The following TMEM232 variants were observed in gnomAD, a reference collection of about 807,000 sequenced individuals.
TMEM232 encodes the protein transmembrane protein 232.
A neutral mutation model predicts 78.8 loss-of-function variants in TMEM232; 80 were observed. That is an observed-to-expected ratio of 1.01 (90% CI 0.85 to 1.22). TMEM232 has a LOEUF of 1.22. Ranked by LOEUF, TMEM232 falls within the 50% of genes most tolerant of loss-of-function variation. TMEM232 has a pLI of 0.00. For missense variants in TMEM232, 881 were observed against 742.2 expected (o/e 1.19, Z -2.17); for synonymous variants, 297 against 254.3 (o/e 1.17, Z -1.60).
intron 12 of TMEM232, among the ~76,000 whole-genome samples, chr5:110,464,190 T>C (rs925853534): frequency 6.6e-6 from 1 of 152,180 alleles, no homozygotes; most frequent in Non-Finnish European, 1.5e-5. Flanking sequence ...GTTCCTTATA[T>C]AGACACCTAT....
At chr5:110,447,515 A>G (rs1012030087) in intron 12 of TMEM232, among the ~76,000 whole-genome samples, 16 of 152,170 alleles carry the variant, frequency 1.1e-4, no homozygotes, top group Admixed American at 6.6e-5. Flanking sequence ...CGGCAAGTAG[A>G]AGAAAACCTA....
intron 1 of TMEM232, among the ~76,000 whole-genome samples, chr5:110,671,752 G>C (rs1053025713): frequency 9.2e-5 from 14 of 152,072 alleles, no homozygotes; most frequent in Non-Finnish European, 1.9e-4. Context: ...TCAGTGGGTG[G>C]GGGGCCAGAG....
At chr5:110,579,010 T>G in intron 10 of TMEM232, among the ~76,000 whole-genome samples, 1 of 151,612 alleles carries the variant, frequency 6.6e-6, no homozygotes, top group Non-Finnish European at 1.5e-5. Flanking sequence ...GCCCAAAAGA[T>G]CTCAAATAAA....
intron 5 of TMEM232, among the ~76,000 whole-genome samples, chr5:110,636,629 T>A (rs1785876225): frequency 6.6e-6 from 1 of 151,984 alleles, no homozygotes; most frequent in South Asian, 2.1e-4. Context: ...GAGAGTTCAC[T>A]GGACTCTGTA....
chr5:110,409,560 G>A (rs1035937631), intron 2 of TMEM232, among the ~76,000 whole-genome samples: 9 of 152,158 alleles, frequency 5.9e-5, no homozygotes, highest in African/African-American at 2.2e-4. Context: ...CTGAGTTGCT[G>A]TTGCCACAGC....
intron 2 of TMEM232, among the ~76,000 whole-genome samples, chr5:110,733,909 A>C (rs1373235248): frequency 6.6e-6 from 1 of 152,244 alleles, no homozygotes; most frequent in Non-Finnish European, 1.5e-5. Flanking sequence ...GTTAAAGAAG[A>C]TAAAGCAAGA....
chr5:110,690,551 T>C (rs530271906), intron 1 of TMEM232, among the ~76,000 whole-genome samples: 2 of 152,336 alleles, frequency 1.3e-5, no homozygotes, highest in African/African-American at 4.8e-5. Context: ...TCAACGATTG[T>C]GGAAGACAGT....
At chr5:110,665,818 G>A (rs1356846098) in intron 2 of TMEM232, among the ~76,000 whole-genome samples, 1 of 140,514 alleles carries the variant, frequency 7.1e-6, no homozygotes, top group African/African-American at 2.7e-5. Context: ...TTTTTGGGAC[G>A]AAAAGGAGTG....
chr5:110,586,270 T>C (rs1159066643), intron 10 of TMEM232, among the ~76,000 whole-genome samples: 1 of 152,118 alleles, frequency 6.6e-6, no homozygotes, highest in Non-Finnish European at 1.5e-5. Flanking sequence ...ATATTTTACA[T>C]TTCTGTATAA....
chr5:110,438,966 T>TA (rs1032761268), intron 12 of TMEM232, among the ~76,000 whole-genome samples: 10 of 152,264 alleles, frequency 6.6e-5, no homozygotes, highest in African/African-American at 2.2e-4. Flanking sequence ...AGCAGGAGGT[T>TA]AAAAAATAGA....
chr5:110,481,580 T>G (rs1022645857), intron 12 of TMEM232, among the ~76,000 whole-genome samples: 1 of 152,124 alleles, frequency 6.6e-6, no homozygotes, highest in Admixed American at 6.6e-5. Context: ...AAAGAGGTAG[T>G]GCCATTAAAT....
In TMEM232 at chr5:110,642,251, T is replaced by G; in HGVS notation, c.237+9A>C. ...TAACATGCTCAACAATCAAATGATATGCCATTACCTTACATCTGAGAATGA... is the reference window on the plus strand; with the variant it reads ...TAACATGCTCAACAATCAAATGATAGGCCATTACCTTACATCTGAGAATGA... On this transcript the variant is annotated intron_variant, in intron 3 of 13. Coordinates refer to ENST00000455884, the MANE Select transcript of TMEM232 (RefSeq NM_001039763.4). The G allele has an allele frequency of 6.7e-7, 1 of 1,484,324 alleles. No individual in the cohort carries two copies. The highest frequency in any genetic ancestry group is 9.1e-7 in the Non-Finnish European group (1 of 1,100,814). 91.9% of individuals were successfully genotyped at this position (1,484,324 alleles called of 1,614,324 possible).
intron 5 of TMEM232, among the ~76,000 whole-genome samples, chr5:110,628,440 T>C (rs2149954395): frequency 6.6e-6 from 1 of 152,164 alleles, no homozygotes; most frequent in Non-Finnish European, 1.5e-5. Context: ...AAAAGACCTC[T>C]CACAGGGTCA....
intron 5 of TMEM232, among the ~76,000 whole-genome samples, chr5:110,631,745 G>GCTGTAGGTGAAGA (rs1785158954): frequency 1.3e-5 from 2 of 152,070 alleles, no homozygotes; most frequent in Non-Finnish European, 1.5e-5. Context: ...CATGACTGGG[G>GCTGTAGGTGAAGA]CTGTAGGTGA....
intron 11 of TMEM232, among the ~76,000 whole-genome samples, chr5:110,541,790 T>C (rs1773152664): frequency 6.6e-6 from 1 of 152,112 alleles, no homozygotes; most frequent in East Asian, 1.9e-4. Context: ...AAATTAATGA[T>C]TCAATTACTG....
intron 5 of TMEM232, among the ~76,000 whole-genome samples, chr5:110,629,621 CCTT>C (rs1784864084): frequency 6.6e-6 from 1 of 152,100 alleles, no homozygotes; most frequent in Admixed American, 6.6e-5. Context: ...ACCTTTACCT[CCTT>C]CTTCTCTCTT....
At chr5:110,468,062 G>A (rs1467371320) in intron 12 of TMEM232, among the ~76,000 whole-genome samples, 2 of 151,298 alleles carry the variant, frequency 1.3e-5, no homozygotes, top group Non-Finnish European at 2.9e-5. Flanking sequence ...TAATTTCAGG[G>A]GAACACAATT....
At chr5:110,581,304 A>T (rs945307881) in intron 10 of TMEM232, among the ~76,000 whole-genome samples, 19 of 151,964 alleles carry the variant, frequency 1.3e-4, no homozygotes, top group African/African-American at 4.3e-4. Context: ...GCATGGTACT[A>T]GTACAAAAAC....
At chr5:110,545,509 T>C (rs1355081352) in intron 11 of TMEM232, among the ~76,000 whole-genome samples, 3 of 152,172 alleles carry the variant, frequency 2.0e-5, no homozygotes, top group Middle Eastern at 3.4e-3. Context: ...TATTTAAGGA[T>C]CTATACTTAT....
Sources: allele counts gnomAD v4.1 joint callset (sites outside exome capture counted in the v4.1 genomes callset), GRCh38; gene constraint gnomAD v4.1.1; transcripts MANE v1.5; gene names NCBI Gene and HGNC (gene_info 2026-07-23, HGNC 2026-07-21).